Variants in YPEL2 observed in about 807,000 individuals in gnomAD.
The protein encoded by YPEL2 is yippee like 2.
In YPEL2, 2 loss-of-function variants were observed where a neutral mutation model predicts 19.1. The observed-to-expected ratio is 0.10, with a 90% confidence interval of 0.04 to 0.33. YPEL2 has a LOEUF of 0.33. Ranked by LOEUF, YPEL2 falls within the 10% of genes least tolerant of loss-of-function variation. The pLI is 1.00. For missense variants in YPEL2, 66 were observed against 140.7 expected, an observed-to-expected ratio of 0.47 and a Z score of 2.68; for synonymous variants, 52 against 50.0, an observed-to-expected ratio of 1.04 and a Z score of -0.17.
chr17:59,398,508 T>G lies in YPEL2; in HGVS notation c.*1318T>G, dbSNP rs1567767384. On this transcript the variant is annotated 3_prime_UTR_variant, in exon 5 of 5. Coordinates refer to ENST00000312655, the MANE Select transcript of YPEL2 (RefSeq NM_001005404.4). ...CAGCAGGGAGGAGTTCTGCCCAAAT[T>G]CCGATATCACCCCTTCCCCCATCCA... 6.6e-6 allele frequency: 1 copy of G among 152,008 alleles called. No individual in the cohort carries two copies. The allele number at this position is 152,008 out of a possible 1,614,324, so 9.4% of individuals were successfully genotyped here.
rs758225787 is a variant in YPEL2, at chr17:59,389,420, C to T, written c.222C>T (p.Val74=). 9 of 1,613,860 alleles carry T rather than the reference C, an allele frequency of 5.6e-6. No homozygotes were observed. The highest frequency in any genetic ancestry group is 6.8e-6 in the Non-Finnish European group (8 of 1,180,036). ...ERVLLTGLHA[V]ADIYCENCKT... ...TGTTGCTAACAGGACTGCATGCAGTCGCAGACATTTACTGTGAAAACTGCA... is the reference window on the plus strand; with the variant it reads ...TGTTGCTAACAGGACTGCATGCAGTTGCAGACATTTACTGTGAAAACTGCA... The change falls in exon 4 of 5, where the codon GTC becomes GTT. Residue 74 remains valine, a synonymous_variant. Coordinates refer to ENST00000312655, the MANE Select transcript of YPEL2 (RefSeq NM_001005404.4).
intron 2 of YPEL2, among the ~76,000 whole-genome samples, chr17:59,377,632 C>G (rs1408184769): frequency 6.6e-6 from 1 of 152,254 alleles, no homozygotes; most frequent in Non-Finnish European, 1.5e-5. Flanking sequence ...ACCTTGGCAT[C>G]TGCTGTTCTA....
In YPEL2 at chr17:59,401,547, TTGG is replaced by T. The variant is rs1442403922; in HGVS notation, c.*4361_*4363del. The T allele has an allele frequency of 1.3e-5, 2 of 152,648 alleles. No individual in the cohort carries two copies. Among genetic ancestry groups the T allele is most frequent in the African/African-American group, 2.4e-5 (1 of 41,458 alleles). The allele number at this position is 152,648 out of a possible 1,614,324, so 9.5% of individuals were successfully genotyped here. On this transcript the variant is annotated 3_prime_UTR_variant, in exon 5 of 5. Coordinates refer to ENST00000312655, the MANE Select transcript of YPEL2 (RefSeq NM_001005404.4). Reference sequence around the variant, plus strand: ...TGTTGGGTTTGGGTTTTTGTTTTCTTTGGTGGCATTTTTCAGGTCACTTTGCTT... The same window carrying T: ...TGTTGGGTTTGGGTTTTTGTTTTCTTTGGCATTTTTCAGGTCACTTTGCTT...
chr17:59,401,025 T>G lies in YPEL2; in HGVS notation c.*3835T>G, dbSNP rs945097309. ...GATGGAGCAGAGTCAAATCTGTGCT[T>G]CTAACTGAGATGAGAGTGTATTAAT... On this transcript the variant is annotated 3_prime_UTR_variant, in exon 5 of 5. Transcript: ENST00000312655. The G allele has an allele frequency of 6.6e-6, 1 of 152,592 alleles. No individual in the cohort carries two copies. The highest frequency in any genetic ancestry group is 1.5e-5 in the Non-Finnish European group (1 of 68,026). The allele number at this position is 152,592 out of a possible 1,614,324, so 9.5% of individuals were successfully genotyped here.
chr17:59,361,071 A>G (rs901836176), intron 2 of YPEL2, among the ~76,000 whole-genome samples: 2 of 152,114 alleles, frequency 1.3e-5, no homozygotes, highest in African/African-American at 4.8e-5. Flanking sequence ...ACCTCAAGCA[A>G]TCCACCTGCC....
At chr17:59,370,274 A>T (rs1242440757) in intron 2 of YPEL2, among the ~76,000 whole-genome samples, 1 of 152,180 alleles carries the variant, frequency 6.6e-6, no homozygotes, top group East Asian at 1.9e-4. Context: ...TGTGTTAGCC[A>T]GGATGGTCTT....
chr17:59,346,372 C>A (rs966528610), intron 1 of YPEL2, among the ~76,000 whole-genome samples: 3 of 152,202 alleles, frequency 2.0e-5, no homozygotes, highest in African/African-American at 7.2e-5. Flanking sequence ...AAAGAATAGG[C>A]ATGGATGCCA....
At chr17:59,366,741 C>T (rs961577516) in intron 2 of YPEL2, among the ~76,000 whole-genome samples, 1 of 152,094 alleles carries the variant, frequency 6.6e-6, no homozygotes, top group Non-Finnish European at 1.5e-5. Context: ...CTGAGAGGGC[C>T]GTTAAGGTTC....
intron 2 of YPEL2, chr17:59,354,589 A>G (rs1821200513): frequency 6.6e-6 from 1 of 152,220 alleles, no homozygotes. Context: ...GGAGGTGAAG[A>G]AAGCTGCCCA....
At chr17:59,373,218 C>T (rs1036019898) in intron 2 of YPEL2, among the ~76,000 whole-genome samples, 3 of 152,178 alleles carry the variant, frequency 2.0e-5, no homozygotes, top group African/African-American at 7.2e-5. Flanking sequence ...TTGATTTCTC[C>T]TCGAGTTGTT....
intron 4 of YPEL2, among the ~76,000 whole-genome samples, chr17:59,394,283 T>G (rs1399305738): frequency 1.3e-5 from 2 of 150,074 alleles, no homozygotes; most frequent in Admixed American, 1.3e-4. Flanking sequence ...GAGGGTCTCC[T>G]CACTTCTCAG....
chr17:59,332,997 G>T (rs898559291), intron 1 of YPEL2, among the ~76,000 whole-genome samples: 1 of 152,182 alleles, frequency 6.6e-6, no homozygotes, highest in African/African-American at 2.4e-5. Context: ...AAGGGTAGCG[G>T]TCAGCTTCCC....
intron 1 of YPEL2, among the ~76,000 whole-genome samples, chr17:59,334,304 C>T (rs982371373): frequency 6.7e-6 from 1 of 149,908 alleles, no homozygotes; most frequent in African/African-American, 2.4e-5. Context: ...AATTGGCCAG[C>T]TGAAGAAGAG....
intron 3 of YPEL2, chr17:59,389,019 A>T (rs1701016104): frequency 6.0e-6 from 2 of 332,134 alleles, no homozygotes; most frequent in African/African-American, 4.2e-5. Flanking sequence ...AGCTGTGAGG[A>T]CCTGTGCCCA....
chr17:59,375,592 G>A (rs986595794), intron 2 of YPEL2, among the ~76,000 whole-genome samples: 3 of 152,068 alleles, frequency 2.0e-5, no homozygotes, highest in African/African-American at 4.8e-5. Flanking sequence ...AATATTATCC[G>A]TTCACTCGAG....
chr17:59,378,259 G>T (rs12949992), intron 2 of YPEL2, among the ~76,000 whole-genome samples: 12,153 of 151,904 alleles, frequency 0.08, 613 homozygotes, highest in South Asian at 0.15. Flanking sequence ...CTCCTAAAAG[G>T]ACTCTAAAAG....
intron 2 of YPEL2, among the ~76,000 whole-genome samples, chr17:59,369,586 T>G (rs1043043325): frequency 1.3e-5 from 2 of 152,114 alleles, no homozygotes; most frequent in Non-Finnish European, 2.9e-5. Context: ...CTGGCTCGCC[T>G]GACCCTAGTC....
intron 2 of YPEL2, chr17:59,355,899 TA>T (rs2047810509): frequency 6.6e-6 from 1 of 152,224 alleles, no homozygotes; most frequent in Admixed American, 6.5e-5. Context: ...CTTGATGATT[TA>T]AAGGGTTGGG....
chr17:59,352,686 C>G (rs983621006), intron 1 of YPEL2, among the ~76,000 whole-genome samples: 1 of 152,214 alleles, frequency 6.6e-6, no homozygotes, highest in African/African-American at 2.4e-5. Flanking sequence ...ATCCCATGCT[C>G]AATCTCTAAA....
Sources: allele counts gnomAD v4.1 joint callset (sites outside exome capture counted in the v4.1 genomes callset), GRCh38; gene constraint gnomAD v4.1.1; transcripts MANE v1.5; gene names NCBI Gene and HGNC (gene_info 2026-07-23, HGNC 2026-07-21).